The following SGCZ variants were observed in gnomAD, a reference collection of about 807,000 sequenced individuals.
SGCZ encodes sarcoglycan zeta.
In SGCZ, 40 loss-of-function variants were observed where a neutral mutation model predicts 41.3. That is an observed-to-expected ratio of 0.97 (90% CI 0.75 to 1.26). SGCZ has a LOEUF of 1.26. Ranked by LOEUF, SGCZ falls within the 50% of genes most tolerant of loss-of-function variation. The probability of loss-of-function intolerance (pLI) is 0.00; values close to 1 mark genes in which losing one functional copy is unlikely to be tolerated. For synonymous variants in SGCZ, 206 were observed against 137.5 expected (o/e 1.50, Z -3.49); for missense variants, 552 against 369.8 (o/e 1.49, Z -4.04).
chr8:14,811,690 A>G (rs559548413), intron 1 of SGCZ, among the ~76,000 whole-genome samples: 3 of 151,940 alleles, frequency 2.0e-5, no homozygotes, highest in African/African-American at 4.8e-5. Flanking sequence ...CCTCTCCCCA[A>G]AAGCACAGGT....
intron 1 of SGCZ, among the ~76,000 whole-genome samples, chr8:14,814,758 C>A (rs148049037): frequency 6.6e-6 from 1 of 152,046 alleles, no homozygotes; most frequent in Non-Finnish European, 1.5e-5. Context: ...TTGCAGAAAT[C>A]GGTTAAGACT....
intron 2 of SGCZ, among the ~76,000 whole-genome samples, chr8:14,497,963 C>A (rs933382850): frequency 6.6e-6 from 1 of 152,150 alleles, no homozygotes; most frequent in Admixed American, 6.6e-5. Context: ...TGTTTTTCCT[C>A]ATATCCTCAT....
intron 1 of SGCZ, among the ~76,000 whole-genome samples, chr8:14,717,527 G>C (rs187993548): frequency 1.4e-4 from 22 of 152,230 alleles, no homozygotes; most frequent in Non-Finnish European, 7.4e-5. Flanking sequence ...GGAGAGGAGA[G>C]TTCTGTCCAT....
intron 1 of SGCZ, among the ~76,000 whole-genome samples, chr8:14,665,020 T>C (rs1563188258): frequency 6.6e-6 from 1 of 152,208 alleles, no homozygotes; most frequent in East Asian, 1.9e-4. Context: ...TAAAACTCTT[T>C]TTTAAAATTA....
chr8:14,203,984 A>C, intron 4 of SGCZ, among the ~76,000 whole-genome samples: 1 of 152,170 alleles, frequency 6.6e-6, no homozygotes, highest in Non-Finnish European at 1.5e-5. Flanking sequence ...TGGGGGAAAG[A>C]GCGCTCCAAG....
At chr8:14,095,338 A>G (rs1016051943) in intron 7 of SGCZ, among the ~76,000 whole-genome samples, 4 of 152,214 alleles carry the variant, frequency 2.6e-5, no homozygotes, top group African/African-American at 9.6e-5. Flanking sequence ...AGCTTTCTGC[A>G]TATGGCTAGC....
At chr8:14,983,643 C>T (rs1801742110) in intron 1 of SGCZ, among the ~76,000 whole-genome samples, 1 of 152,114 alleles carries the variant, frequency 6.6e-6, no homozygotes, top group Non-Finnish European at 1.5e-5. Context: ...CCGTGCCCAG[C>T]CTTGTCACTA....
intron 1 of SGCZ, among the ~76,000 whole-genome samples, chr8:14,778,297 C>T (rs929397631): frequency 6.6e-6 from 1 of 152,088 alleles, no homozygotes; most frequent in Non-Finnish European, 1.5e-5. Context: ...AACTGTCACC[C>T]CAAATCTATA....
intron 1 of SGCZ, among the ~76,000 whole-genome samples, chr8:15,160,920 T>TCTGGTGTGCAGCCACTACAGTGG (rs1281236673): frequency 1.1e-3 from 174 of 152,278 alleles, no homozygotes; most frequent in Non-Finnish European, 1.2e-4. Context: ...ACTGGCGTAA[T>TCTGGTGTGCAGCCACTACAGTGG]CTGGTGTGCA....
At chr8:14,671,325 G>C (rs556766831) in intron 1 of SGCZ, among the ~76,000 whole-genome samples, 1 of 152,246 alleles carries the variant, frequency 6.6e-6, no homozygotes, top group South Asian at 2.1e-4. Flanking sequence ...GGAGACCTAA[G>C]TTATTTAAAG....
intron 1 of SGCZ, among the ~76,000 whole-genome samples, chr8:14,762,487 G>C (rs2130360777): frequency 6.6e-6 from 1 of 152,330 alleles, no homozygotes; most frequent in South Asian, 2.1e-4. Context: ...TTTATGTGAA[G>C]TAATTAGCAC....
intron 2 of SGCZ, among the ~76,000 whole-genome samples, chr8:14,420,451 T>C (rs1799609027): frequency 6.6e-6 from 1 of 152,082 alleles, no homozygotes; most frequent in Admixed American, 6.6e-5. Flanking sequence ...TTTTCTTTAT[T>C]TTGATTTTAC....
intron 3 of SGCZ, among the ~76,000 whole-genome samples, chr8:14,252,590 G>C (rs1458615917): frequency 3.3e-5 from 5 of 152,064 alleles, no homozygotes; most frequent in African/African-American, 1.2e-4. Flanking sequence ...AGGATTAAGG[G>C]TTAAGGAAGC....
At chr8:14,278,662 A>C (rs1159568947) in intron 3 of SGCZ, among the ~76,000 whole-genome samples, 1 of 152,186 alleles carries the variant, frequency 6.6e-6, no homozygotes, top group Non-Finnish European at 1.5e-5. Context: ...TATTCTGCCA[A>C]TGAAATTGCC....
At chr8:14,207,404 C>T (rs1805651481) in intron 4 of SGCZ, among the ~76,000 whole-genome samples, 1 of 152,146 alleles carries the variant, frequency 6.6e-6, no homozygotes, top group South Asian at 2.1e-4. Flanking sequence ...TTAGCCTCAT[C>T]CATCTTATTG....
intron 1 of SGCZ, among the ~76,000 whole-genome samples, chr8:14,943,707 T>G (rs1020809158): frequency 1.3e-5 from 2 of 152,094 alleles, no homozygotes; most frequent in East Asian, 1.9e-4. Flanking sequence ...CAATACGTAG[T>G]TTTTTAATCC....
chr8:14,757,726 A>G (rs184667152), intron 1 of SGCZ, among the ~76,000 whole-genome samples: 3 of 152,336 alleles, frequency 2.0e-5, no homozygotes, highest in Admixed American at 1.3e-4. Flanking sequence ...ATCAGAACCT[A>G]AAAATAAATA....
rs117018240 is a variant in SGCZ at position 14,684,711 on chromosome 8, G to T, written c.40-129785C>A. Reference sequence around the variant, plus strand: ...TTTTTCCTTTTTTTGTTTTTTTTTGGTTTTTGGTAAAACAGTTTAACAGGA... The same window carrying T: ...TTTTTCCTTTTTTTGTTTTTTTTTGTTTTTTGGTAAAACAGTTTAACAGGA... On this transcript the variant is annotated intron_variant, in intron 1 of 7. Transcript: ENST00000382080. 3.6e-3 allele frequency among the ~76,000 whole-genome samples: 535 copies of T among 149,674 alleles called. 2 individuals are homozygous for T. Among genetic ancestry groups the T allele is most frequent in the African/African-American group, 0.012 (502 of 40,850 alleles).
At chr8:15,005,571 T>C (rs911816565) in intron 1 of SGCZ, among the ~76,000 whole-genome samples, 3 of 151,744 alleles carry the variant, frequency 2.0e-5, no homozygotes, top group African/African-American at 7.3e-5. Flanking sequence ...CCTCAGGTTG[T>C]TCCGCCCACC....
Sources: gnomAD v4.1 joint callset for allele counts (sites outside exome capture counted in the v4.1 genomes callset) on GRCh38, gnomAD v4.1.1 for gene constraint, MANE v1.5 for transcripts, NCBI Gene and HGNC (gene_info 2026-07-23, HGNC 2026-07-21) for gene names.